The following TNC variants were observed in gnomAD, a reference collection of about 807,000 sequenced individuals.
TNC encodes tenascin C.
A neutral mutation model predicts 202.4 loss-of-function variants in TNC; 109 were observed. The observed-to-expected ratio is 0.54, with a 90% CI of 0.46 to 0.63. The LOEUF is 0.63. TNC is among the 30% of genes least tolerant of loss of function. The pLI is 0.00. For synonymous variants in TNC, 1,007 were observed against 1,089.7 expected, an observed-to-expected ratio of 0.92 and a Z score of 1.50; for missense variants, 2,756 against 2,833.3, an observed-to-expected ratio of 0.97 and a Z score of 0.62.
At chr9:115,077,922 T>G in intron 7 of TNC, 21 bp downstream of exon 7, 1 of 1,609,932 alleles carries the variant, frequency 6.2e-7, no homozygotes, top group Non-Finnish European at 8.5e-7. Context: ...CTATATCTGT[T>G]AACAGGGGGA....
intron 6 of TNC, among the ~76,000 whole-genome samples, chr9:115,080,433 T>A (rs993161560): frequency 6.6e-6 from 1 of 152,202 alleles, no homozygotes; most frequent in African/African-American, 2.4e-5. Context: ...GGCTCTGAGC[T>A]AGGCAAAATG....
intron 10 of TNC, among the ~76,000 whole-genome samples, chr9:115,069,802 C>T (rs796846476): frequency 3.2e-4 from 28 of 87,250 alleles, no homozygotes; most frequent in African/African-American, 4.9e-4. Flanking sequence ...CTTCCTTCCT[C>T]CCTTCCTCCC....
At chr9:115,073,106 C>T (rs1833580303) in intron 10 of TNC, among the ~76,000 whole-genome samples, 1 of 152,164 alleles carries the variant, frequency 6.6e-6, no homozygotes, top group Non-Finnish European at 1.5e-5. Flanking sequence ...GGCCGTGTGC[C>T]ACTCTTCAGG....
At chr9:115,052,971 G>T in intron 15 of TNC, 1 of 702,528 alleles carries the variant, frequency 1.4e-6, no homozygotes, top group Non-Finnish European at 2.6e-6. Flanking sequence ...AAGCTTTTTG[G>T]AGTAATATTG....
At chr9:115,075,911 T>A in intron 9 of TNC, 121 bp downstream of exon 9, 1 of 808,246 alleles carries the variant, frequency 1.2e-6, no homozygotes, top group Non-Finnish European at 2.1e-6. Context: ...TAGATGGTAC[T>A]ACAGGGCCCT....
At position 115,086,803 on chromosome 9, in the gene TNC, A is replaced by T; in HGVS notation, c.928T>A (p.Cys310Ser). Reference protein sequence around the residue: ...VCDEGFTGEDCSELICPNDCF... With the variant: ...VCDEGFTGEDSSELICPNDCF... ...TCATTGGGGCAGATGAGCTCACTGC[A>T]GTCTTCGCCCGTGAAACCCTCATCA... The change falls in exon 3 of 28, where the codon TGC becomes AGC. Residue 310 changes from cysteine to serine, a missense_variant. By Grantham distance (112) the Cys-to-Ser change is moderately radical (BLOSUM62 -1). This residue lies in a region of TNC where 2,559 missense variants were observed against 2,546.0 expected (regional missense o/e 1.01). Transcript: ENST00000350763. 6.2e-7 allele frequency: 1 copy of T among 1,614,120 alleles called. No individual in the cohort carries two copies. The highest frequency in any genetic ancestry group is 8.5e-7 in the Non-Finnish European group (1 of 1,180,036).
At chr9:115,077,588 C>T (rs905299944) in intron 7 of TNC, among the ~76,000 whole-genome samples, 6 of 152,168 alleles carry the variant, frequency 3.9e-5, no homozygotes, top group South Asian at 2.1e-4. Context: ...AAAATAATGC[C>T]GTAGGCTAAA....
intron 19 of TNC, among the ~76,000 whole-genome samples, chr9:115,040,202 C>T (rs1033254724): frequency 5.3e-5 from 8 of 152,134 alleles, no homozygotes; most frequent in Admixed American, 1.3e-4. Context: ...GGAGTCAGAC[C>T]GACCTATGTT....
Position 115,046,391 on chromosome 9 carries a change from T to G in TNC, c.5125+19A>C, listed in dbSNP as rs1356403826. ...TGAGTCATGACTTTTCTCTGTTCTC[T>G]CCTGTTTATTTACAGTACCTGTTGT... On this transcript the variant is annotated intron_variant, in intron 17 of 27. Transcript: ENST00000350763. 6.2e-7 allele frequency: 1 copy of G among 1,612,750 alleles called. No homozygotes were observed. Among genetic ancestry groups the G allele is most frequent in the East Asian group, 2.2e-5 (1 of 44,878 alleles).
chr9:115,091,067 G>A lies in TNC; in HGVS notation c.-49C>T, dbSNP rs937997000. 27 of 1,486,834 alleles carry A rather than the reference G, an allele frequency of 1.8e-5. No individual in the cohort carries two copies. Among genetic ancestry groups the A allele is most frequent in the East Asian group, 4.6e-5 (2 of 43,680 alleles). 92.1% of individuals were successfully genotyped at this position (1,486,834 alleles called of 1,614,324 possible). ...GCTGCTGGGGCTCTAGGGCTCTAGG[G>A]TATCTCACTTTCAGCAGAATTGGGG... On this transcript the variant is annotated 5_prime_UTR_variant, in exon 2 of 28. Transcript: ENST00000350763.
chr9:115,086,882 CAG>C lies in TNC; in HGVS notation c.847_848del (p.Leu283ValfsTer15). 5 of 1,614,190 alleles carry C rather than the reference CAG, an allele frequency of 3.1e-6. No homozygotes were observed. The highest frequency in any genetic ancestry group is 4.2e-6 in the Non-Finnish European group (5 of 1,180,044). On this transcript the variant is annotated frameshift_variant, in exon 3 of 28. Transcript: ENST00000350763. LOFTEE classifies it high-confidence loss of function. ...CACGGTTGTAGCAATTGTTGAGACACAGAGGCTTGTTGCAGTCATCGCCTGCA... is the reference window on the plus strand; with the variant it reads ...CACGGTTGTAGCAATTGTTGAGACACAGGCTTGTTGCAGTCATCGCCTGCA... ...GFAGDDCNKP[L>X]CLNNCYNRGR...
chr9:115,092,373 G>A (rs953162042), intron 1 of TNC, among the ~76,000 whole-genome samples: 17 of 152,158 alleles, frequency 1.1e-4, no homozygotes, highest in African/African-American at 4.1e-4. Context: ...TGAGCAATCA[G>A]GTAGCAGAGA....
intron 1 of TNC, among the ~76,000 whole-genome samples, chr9:115,116,512 T>C (rs1486094158): frequency 6.6e-6 from 1 of 152,176 alleles, no homozygotes; most frequent in Non-Finnish European, 1.5e-5. Flanking sequence ...GGATGGATAG[T>C]AGTTTTCCTT....
rs778308669 is a variant in TNC, at chr9:115,082,648, C to T, written c.2247+44G>A. 2.2e-5 allele frequency: 32 copies of T among 1,448,588 alleles called. 1 individual carries two copies. The South Asian group carries it at 2.8e-4, about 13-fold the overall frequency. 89.7% of individuals were successfully genotyped at this position (1,448,588 alleles called of 1,614,324 possible). ...TCTTCAGAACCCTTTGGTCATCTTTCAAATCCTTGAGATCAAATGGATCTG... is the reference window on the plus strand; with the variant it reads ...TCTTCAGAACCCTTTGGTCATCTTTTAAATCCTTGAGATCAAATGGATCTG... On this transcript the variant is annotated intron_variant, in intron 5 of 27. Transcript: ENST00000350763.
intron 19 of TNC, 148 bp from the exon 20 acceptor site, chr9:115,038,528 C>A: frequency 9.5e-7 from 1 of 1,048,340 alleles, no homozygotes; most frequent in Non-Finnish European, 1.3e-6. Context: ...CTGGAGCCAG[C>A]CTGACCTGGC....
In TNC at chr9:115,088,334, C is replaced by T. The variant is rs186650844; in HGVS notation, c.458-1061G>A. On this transcript the variant is annotated intron_variant, in intron 2 of 27. Coordinates refer to ENST00000350763, the MANE Select transcript of TNC (RefSeq NM_002160.4). ...ATATAACCAAAACATTCTAATTTTC[C>T]GCAACTAAAATGAGGTAGCTAATGG... Among the ~76,000 whole-genome samples the T allele has an allele frequency of 8.9e-4, 135 of 152,236 alleles. 1 individual carries two copies. Among genetic ancestry groups the T allele is most frequent in the Admixed American group, 6.2e-3 (95 of 15,294 alleles).
At position 115,081,942 on chromosome 9, in the gene TNC, G is replaced by C; in HGVS notation, c.2248-14C>G. On this transcript the variant is annotated splice_polypyrimidine_tract_variant and intron_variant, in intron 5 of 27. Coordinates refer to ENST00000350763, the MANE Select transcript of TNC (RefSeq NM_002160.4). ...ATCTTCTTTATTCTGAGAGATAGAGGCAGCTTGGTAAGAGTTAGGGGAGGT... is the reference window on the plus strand; with the variant it reads ...ATCTTCTTTATTCTGAGAGATAGAGCCAGCTTGGTAAGAGTTAGGGGAGGT... The C allele has an allele frequency of 6.3e-7, 1 of 1,579,206 alleles. No individual in the cohort carries two copies. Among genetic ancestry groups the C allele is most frequent in the South Asian group, 1.2e-5 (1 of 84,746 alleles).
intron 7 of TNC, among the ~76,000 whole-genome samples, chr9:115,077,732 AC>A (rs1209974587): frequency 3.3e-5 from 5 of 151,804 alleles, no homozygotes; most frequent in Admixed American, 3.3e-4. Context: ...TATGTCCCCC[AC>A]CCCCAAAAGT....
chr9:115,063,476 T>A (rs1832707362), intron 12 of TNC, among the ~76,000 whole-genome samples: 1 of 152,186 alleles, frequency 6.6e-6, no homozygotes, highest in Admixed American at 6.5e-5. Context: ...TAAAATGAGC[T>A]CATGAGCTCA....
Sources: allele counts gnomAD v4.1 joint callset (sites outside exome capture counted in the v4.1 genomes callset), GRCh38; gene constraint gnomAD v4.1.1; regional missense constraint gnomAD v4.1.1; transcripts MANE v1.5; gene names NCBI Gene and HGNC (gene_info 2026-07-23, HGNC 2026-07-21).